ROBO2: variants seen among roughly 807,000 people sequenced by gnomAD.
ROBO2 encodes the protein roundabout homolog 2.
In ROBO2, 53 loss-of-function variants were observed where a neutral mutation model predicts 160.8. The ratio of observed to expected loss-of-function variants is 0.33; its 90% CI spans 0.26 to 0.41. The LOEUF (loss-of-function observed/expected upper bound fraction) is 0.41, where lower values mean the gene tolerates loss of function less well. Among genes scored for constraint, ROBO2 ranks in the 10% least tolerant of loss-of-function variants. The pLI is 1.00. For missense variants in ROBO2, 1,577 were observed against 1,722.4 expected, an observed-to-expected ratio of 0.92 and a Z score of 1.49; for synonymous variants, 664 against 611.7, an observed-to-expected ratio of 1.09 and a Z score of -1.26.
At chr3:76,202,813 C>A (rs72630373) in intron 2 of ROBO2, among the ~76,000 whole-genome samples, 5,202 of 151,200 alleles carry the variant, frequency 0.034, 298 homozygotes, top group East Asian at 0.21. Flanking sequence ...TCTCTTTGTT[C>A]TGGAGATGGT....
At chr3:77,595,036 C>T in intron 17 of ROBO2, 106 bp from the exon 19 acceptor site, 1 of 851,680 alleles carries the variant, frequency 1.2e-6, no homozygotes, top group Non-Finnish European at 2.0e-6. Flanking sequence ...GTTAAAATTC[C>T]CAGAGGCCTC....
chr3:76,779,194 C>A (rs1236662153), intron 2 of ROBO2, among the ~76,000 whole-genome samples: 1 of 150,936 alleles, frequency 6.6e-6, no homozygotes, highest in Admixed American at 6.6e-5. Context: ...AAGATTTACA[C>A]ATAAAAAGTT....
At chr3:76,713,390 T>C (rs1576175347) in intron 2 of ROBO2, among the ~76,000 whole-genome samples, 2 of 152,268 alleles carry the variant, frequency 1.3e-5, no homozygotes, top group East Asian at 3.9e-4. Flanking sequence ...TTTAAAAAGA[T>C]TTTTGTTGTT....
chr3:76,645,296 A>G (rs534346464), intron 2 of ROBO2, among the ~76,000 whole-genome samples: 3 of 152,316 alleles, frequency 2.0e-5, no homozygotes, highest in African/African-American at 7.2e-5. Context: ...GTAGAATCCT[A>G]TTCTAACCTA....
intron 2 of ROBO2, among the ~76,000 whole-genome samples, chr3:76,764,244 G>A (rs1254557492): frequency 7.4e-6 from 1 of 135,562 alleles, no homozygotes; most frequent in East Asian, 2.2e-4. Flanking sequence ...ACATGTCACG[G>A]CTAAGTTAAA....
chr3:76,804,813 A>C (rs2064543745), intron 2 of ROBO2, among the ~76,000 whole-genome samples: 1 of 152,160 alleles, frequency 6.6e-6, no homozygotes, highest in South Asian at 2.1e-4. Context: ...TAACCCCGCC[A>C]GATTAGTAAA....
At chr3:77,425,067 A>G (rs1047489776) in intron 2 of ROBO2, among the ~76,000 whole-genome samples, 3 of 152,168 alleles carry the variant, frequency 2.0e-5, no homozygotes, top group Non-Finnish European at 4.4e-5. Flanking sequence ...CCCATGGCTA[A>G]TATTTGAGTG....
intron 2 of ROBO2, among the ~76,000 whole-genome samples, chr3:76,931,370 G>T (rs2077327382): frequency 6.6e-6 from 1 of 152,102 alleles, no homozygotes; most frequent in Admixed American, 6.6e-5. Context: ...AATAGTGAAA[G>T]CTATCCGTTC....
At chr3:76,146,154 T>G (rs2071877701) in intron 2 of ROBO2, among the ~76,000 whole-genome samples, 1 of 152,068 alleles carries the variant, frequency 6.6e-6, no homozygotes, top group Admixed American at 6.6e-5. Context: ...TAGATCTATG[T>G]AAACCCCTAC....
chr3:75,972,390 A>C (rs1041680329), intron 2 of ROBO2, among the ~76,000 whole-genome samples: 1 of 151,658 alleles, frequency 6.6e-6, no homozygotes, highest in Non-Finnish European at 1.5e-5. Flanking sequence ...TGAAGGAAGC[A>C]AGAAGGGAAC....
chr3:76,081,962 A>T (rs1242324622), intron 2 of ROBO2, among the ~76,000 whole-genome samples: 1 of 152,148 alleles, frequency 6.6e-6, no homozygotes, highest in Non-Finnish European at 1.5e-5. Flanking sequence ...TTTGCTAATG[A>T]AATTAGAATC....
chr3:77,481,258 C>T, intron 4 of ROBO2, 39 bp downstream of exon 4: 8 of 1,466,932 alleles, frequency 5.5e-6, no homozygotes, highest in Non-Finnish European at 7.2e-6. Flanking sequence ...TTATTTTTAT[C>T]AATTTTTCTT....
At chr3:75,985,302 G>A (rs537585556) in intron 2 of ROBO2, among the ~76,000 whole-genome samples, 7 of 151,540 alleles carry the variant, frequency 4.6e-5, no homozygotes, top group African/African-American at 1.7e-4. Context: ...CACTTAATGT[G>A]AAATTTATTA....
intron 2 of ROBO2, among the ~76,000 whole-genome samples, chr3:76,318,556 G>A (rs1406949417): frequency 6.6e-6 from 1 of 152,056 alleles, no homozygotes; most frequent in African/African-American, 2.4e-5. Flanking sequence ...TAAAAACTGA[G>A]ATAAATTGAC....
rs2091661161 is a variant in ROBO2, at chr3:76,658,214, A to G, written c.110-439800A>G. On this transcript the variant is annotated intron_variant, in intron 2 of 26. Coordinates refer to the ROBO2 transcript ENST00000487694. ...GTAATTCCAATACCCAGACATAGTC[A>G]CTATTATCTCTTTTTTTTGGTGTGT... 2.0e-5 allele frequency among the ~76,000 whole-genome samples: 3 copies of G among 151,800 alleles called. No individual in the cohort carries two copies. In the South Asian group the frequency reaches 6.2e-4, roughly 31 times the overall value.
intron 2 of ROBO2, among the ~76,000 whole-genome samples, chr3:76,442,284 A>C: frequency 6.6e-6 from 1 of 152,192 alleles, no homozygotes; most frequent in Non-Finnish European, 1.5e-5. Flanking sequence ...CTGCCCCAGC[A>C]ACTTATCCCT....
intron 1 of ROBO2, among the ~76,000 whole-genome samples, chr3:75,917,451 G>A (rs1460715823): frequency 6.6e-6 from 1 of 152,158 alleles, no homozygotes; most frequent in Non-Finnish European, 1.5e-5. Flanking sequence ...TGGGCATTAT[G>A]TTGGTTCCAA....
intron 2 of ROBO2, among the ~76,000 whole-genome samples, chr3:76,921,467 C>T (rs932861947): frequency 6.6e-6 from 1 of 152,080 alleles, no homozygotes; most frequent in African/African-American, 2.4e-5. Flanking sequence ...CAAAAATTAG[C>T]TGGGCGTGGT....
At chr3:76,474,726 G>C (rs1226788084) in intron 2 of ROBO2, among the ~76,000 whole-genome samples, 2 of 152,012 alleles carry the variant, frequency 1.3e-5, no homozygotes, top group Non-Finnish European at 1.5e-5. Context: ...TATTTCACTC[G>C]AGTGTCTGGA....
Sources: gnomAD v4.1 joint callset for allele counts (sites outside exome capture counted in the v4.1 genomes callset) on GRCh38, gnomAD v4.1.1 for gene constraint, MANE v1.5 for transcripts, NCBI Gene and HGNC (gene_info 2026-07-23, HGNC 2026-07-21) for gene names.